DIS3L: variants seen among roughly 807,000 people sequenced by gnomAD.
The protein encoded by DIS3L is DIS3-like exonuclease 1.
In DIS3L, 100 loss-of-function variants were observed where a neutral mutation model predicts 120.3. The ratio of observed to expected loss-of-function variants is 0.83; its 90% CI spans 0.71 to 0.98. DIS3L has a LOEUF of 0.98. DIS3L is among the 50% of genes least tolerant of loss of function. The pLI, the probability that DIS3L is intolerant of heterozygous loss-of-function variation, is 0.00. For synonymous variants in DIS3L, 426 were observed against 470.6 expected (o/e 0.91, Z 1.23); for missense variants, 1,196 against 1,314.2 (o/e 0.91, Z 1.39).
intron 11 of DIS3L, among the ~76,000 whole-genome samples, chr15:66,323,792 C>T (rs1174332889): frequency 6.6e-6 from 1 of 152,146 alleles, no homozygotes; most frequent in Non-Finnish European, 1.5e-5. Context: ...TGCCCTTTCC[C>T]TCCTCTCTTC....
At chr15:66,328,821 A>T in intron 12 of DIS3L, 149 bp from the exon 13 acceptor site, 1 of 844,088 alleles carries the variant, frequency 1.2e-6, no homozygotes, top group Non-Finnish European at 1.8e-6. Context: ...AGATTTCTGT[A>T]GTTGAAAAGA....
intron 5 of DIS3L, among the ~76,000 whole-genome samples, chr15:66,313,263 G>A (rs2092780837): frequency 6.6e-6 from 1 of 151,758 alleles, no homozygotes; most frequent in African/African-American, 2.4e-5. Context: ...CAAAATGCTG[G>A]GATTACAGGC....
chr15:66,294,238 A>T, intron 1 of DIS3L: 1 of 985,352 alleles, frequency 1.0e-6, no homozygotes, highest in South Asian at 4.7e-5. Context: ...ACTTCACCGT[A>T]GATTTGTGAA....
chr15:66,302,004 C>G (rs1277658394), intron 2 of DIS3L, among the ~76,000 whole-genome samples: 1 of 152,134 alleles, frequency 6.6e-6, no homozygotes, highest in Non-Finnish European at 1.5e-5. Context: ...GAAGGATTGT[C>G]ATTACTCTAA....
At position 66,318,532 on chromosome 15, in the gene DIS3L, A is replaced by T. The variant is rs760290502; in HGVS notation, c.1078A>T (p.Lys360Ter). 6.2e-7 allele frequency: 1 copy of T among 1,614,072 alleles called. No individual in the cohort carries two copies. The highest frequency in any genetic ancestry group is 8.5e-7 in the Non-Finnish European group (1 of 1,180,002). ...PSKEEVQSQGKNAQKILVTPW... is the reference protein window; with the variant it reads ...PSKEEVQSQG The stretch of plus-strand genomic sequence containing the variant: ...CAAAGAAGAGGTCCAATCTCAGGGC[A>T]AAAATGCTCAGAAAATCCTGGTTAC... The change falls in exon 8 of 17, where the codon AAA becomes TAA. Residue 360 changes from lysine to a stop codon, truncating the protein, a stop_gained. Transcript: ENST00000319212. LOFTEE classifies it high-confidence loss of function.
At chr15:66,309,650 C>T (rs1212102624) in intron 4 of DIS3L, among the ~76,000 whole-genome samples, 7 of 152,142 alleles carry the variant, frequency 4.6e-5, no homozygotes, top group African/African-American at 1.7e-4. Context: ...TGTTAAAAGT[C>T]ACACAGTAGA....
chr15:66,326,880 C>T (rs1172280318), intron 12 of DIS3L, among the ~76,000 whole-genome samples: 1 of 151,518 alleles, frequency 6.6e-6, no homozygotes, highest in Non-Finnish European at 1.5e-5. Flanking sequence ...CCACACTGGA[C>T]ATTTAGGCAT....
At chr15:66,294,856 G>C (rs2092568277) in intron 1 of DIS3L, 132 bp from the exon 2 acceptor site, 2 of 965,710 alleles carry the variant, frequency 2.1e-6, no homozygotes, top group Non-Finnish European at 3.0e-6. Context: ...TACCAAAGTA[G>C]ATTTGTCTTT....
chr15:66,303,788 C>T (rs1178962624), intron 2 of DIS3L, among the ~76,000 whole-genome samples: 1 of 152,100 alleles, frequency 6.6e-6, no homozygotes, highest in Non-Finnish European at 1.5e-5. Flanking sequence ...TGAAAGCCTG[C>T]CCAAACTGTT....
upstream of DIS3L, chr15:66,293,521 C>T: frequency 7.8e-7 from 1 of 1,290,296 alleles, no homozygotes; most frequent in South Asian, 2.1e-5. Flanking sequence ...GCGCCTAGGG[C>T]CGAGGGGCGG....
At chr15:66,301,362 C>T (rs2092646219) in intron 2 of DIS3L, among the ~76,000 whole-genome samples, 1 of 151,946 alleles carries the variant, frequency 6.6e-6, no homozygotes, top group Non-Finnish European at 1.5e-5. Context: ...CTCACTGCAA[C>T]CTCTGCCTCC....
chr15:66,309,094 A>AAAAAAAAAAAAAAAAAAAAATATATAT, intron 4 of DIS3L, among the ~76,000 whole-genome samples: 3 of 15,320 alleles, frequency 2.0e-4, no homozygotes, highest in Non-Finnish European at 3.6e-4. Context: ...AAAAAAAAAA[A>AAAAAAAAAAAAAAAAAAAAATATATAT]ATATATATAT....
In DIS3L at chr15:66,315,081, G is replaced by T. The variant is rs200076422; in HGVS notation, c.860G>T (p.Arg287Leu). The T allele has an allele frequency of 6.8e-6, 11 of 1,613,972 alleles. No individual in the cohort carries two copies. The highest frequency in any genetic ancestry group is 8.5e-6 in the Non-Finnish European group (10 of 1,179,972). The change falls in exon 7 of 17, where the codon CGC (arginine) becomes CTC (leucine). Residue 287 changes from arginine (R) to leucine (L), a missense_variant. Physicochemically the swap from Arg to Leu is moderately radical, Grantham distance 102 (BLOSUM62 -2). Coordinates refer to ENST00000319212, the MANE Select transcript of DIS3L (RefSeq NM_001143688.3). ...ATCCACGGGATGAAGGCTCGAAACCGCTCAATTCATGGAGATGTGGTAGTT... is the reference window on the plus strand; with the variant it reads ...ATCCACGGGATGAAGGCTCGAAACCTCTCAATTCATGGAGATGTGGTAGTT... ...ILIHGMKARNRSIHGDVVVVE... is the reference protein window; with the variant it reads ...ILIHGMKARNLSIHGDVVVVE...
At chr15:66,311,929 G>A in intron 5 of DIS3L, 29 bp downstream of exon 5, 1 of 1,610,424 alleles carries the variant, frequency 6.2e-7, no homozygotes, top group Middle Eastern at 1.7e-4. Context: ...AATGTGTCAG[G>A]GCTGGGCACA....
rs778429051 is a variant in DIS3L, at chr15:66,314,020, T to C, written c.736-19T>C. 5.9e-6 allele frequency: 9 copies of C among 1,535,942 alleles called. No homozygotes were observed. The African/African-American group carries it at 1.1e-4, about 19-fold the overall frequency. ...GAAAAGAACATTTTTCATATTGATT[T>C]TTTAAATTATGATTTTAGGGAATTC... On this transcript the variant is annotated intron_variant, in intron 5 of 16. Coordinates refer to ENST00000319212, the MANE Select transcript of DIS3L (RefSeq NM_001143688.3).
chr15:66,307,030 C>A, intron 3 of DIS3L, 78 bp downstream of exon 3: 1 of 1,570,654 alleles, frequency 6.4e-7, no homozygotes, highest in Non-Finnish European at 8.7e-7. Context: ...GGGAGTTGAT[C>A]TAAATAGTCT....
rs1283021844 is a variant in DIS3L, at chr15:66,329,369, A to G, written c.2505A>G (p.Glu835=). Residue 835 remains glutamate, a synonymous_variant, in exon 14 of 17, where the codon GAA becomes GAG. Transcript: ENST00000319212. ...GNLFSNKDLE[E]LCRHINNRNQ... ...TGTTCAGCAACAAAGATCTTGAGGA[A>G]TTATGCAGACATATCAACAACAGAA... 17 of 1,611,782 alleles carry G rather than the reference A, an allele frequency of 1.1e-5. No homozygotes were observed. Among genetic ancestry groups the G allele is most frequent in the Non-Finnish European group, 1.3e-5 (15 of 1,179,506 alleles).
At chr15:66,332,699 A>T in intron 15 of DIS3L, 37 bp from the exon 16 acceptor site, 1 of 1,554,200 alleles carries the variant, frequency 6.4e-7, no homozygotes, top group Non-Finnish European at 8.8e-7. Flanking sequence ...TACTAAGAAT[A>T]CATTGTCTCT....
chr15:66,332,767 A>T lies in DIS3L; in HGVS notation c.2713A>T (p.Asn905Tyr), dbSNP rs760718655. ...GATTAAAGGTGCTGCTTATCTAAAA[A>T]ATAAAGATGGTTTAGTCATCTCATG... Reference protein sequence around the residue: ...FGIKGAAYLKNKDGLVISCGP... With the variant: ...FGIKGAAYLKYKDGLVISCGP... The change falls in exon 16 of 17, where the codon AAT (asparagine) becomes TAT (tyrosine). Residue 905 changes from asparagine (N) to tyrosine (Y), a missense_variant. By Grantham distance (143) the Asn-to-Tyr change is moderately radical. Transcript: ENST00000319212. The T allele has an allele frequency of 1.2e-6, 2 of 1,613,282 alleles. No homozygotes were observed. Among genetic ancestry groups the T allele is most frequent in the South Asian group, 2.2e-5 (2 of 90,962 alleles).
Sources: allele counts gnomAD v4.1 joint callset (sites outside exome capture counted in the v4.1 genomes callset), GRCh38; gene constraint gnomAD v4.1.1; transcripts MANE v1.5; gene names NCBI Gene and HGNC (gene_info 2026-07-23, HGNC 2026-07-21).